Variants in DLGAP2 observed in about 807,000 individuals in gnomAD.
DLGAP2 encodes DLG associated protein 2.
In DLGAP2, 26 loss-of-function variants were observed where a neutral mutation model predicts 100.3. The ratio of observed to expected loss-of-function variants is 0.26; its 90% CI spans 0.19 to 0.36. DLGAP2 has a LOEUF of 0.36. DLGAP2 is among the 10% of genes least tolerant of loss of function. The probability of loss-of-function intolerance (pLI) is 1.00; values close to 1 mark genes in which losing one functional copy is unlikely to be tolerated. For synonymous variants in DLGAP2, 886 were observed against 630.1 expected (o/e 1.41, Z -6.08); for missense variants, 1,858 against 1,453.2 (o/e 1.28, Z -4.53).
At chr8:1,510,539 A>G (rs747826545) in intron 4 of DLGAP2, among the ~76,000 whole-genome samples, 1 of 152,218 alleles carries the variant, frequency 6.6e-6, no homozygotes. Flanking sequence ...AAGGAAAGGA[A>G]CTGCCTCCCA....
rs1055982090 is a variant in DLGAP2 at position 1,033,142 on chromosome 8, G to A, written c.73+125176G>A. Among the ~76,000 whole-genome samples the A allele has an allele frequency of 9.9e-5, 15 of 152,078 alleles. No homozygotes were observed. The South Asian group carries it at 1.9e-3, about 19-fold the overall frequency. On this transcript the variant is annotated intron_variant, in intron 2 of 14. Transcript: ENST00000637795. ...CTCCCCCCATCCCTCTCTGTCTCAG[G>A]CACTGACCTTCCTCTGCACAGACAG...
chr8:1,275,361 G>GAA (rs113417814), intron 3 of DLGAP2, among the ~76,000 whole-genome samples: 128 of 140,202 alleles, frequency 9.1e-4, no homozygotes, highest in African/African-American at 2.7e-3. Flanking sequence ...ATTTGGAATG[G>GAA]AAAAAAAAAA....
intron 2 of DLGAP2, among the ~76,000 whole-genome samples, chr8:922,149 T>C (rs2129001641): frequency 6.6e-6 from 1 of 152,280 alleles, no homozygotes; most frequent in South Asian, 2.1e-4. Flanking sequence ...GGCGCCGAGT[T>C]TTTGGTGTTT....
chr8:1,142,298 A>T (rs1054013259), intron 2 of DLGAP2, among the ~76,000 whole-genome samples: 2 of 152,208 alleles, frequency 1.3e-5, no homozygotes, highest in Non-Finnish European at 2.9e-5. Context: ...TGAAGAAAAA[A>T]AGTACGACAC....
chr8:963,239 C>G (rs905302189), intron 2 of DLGAP2, among the ~76,000 whole-genome samples: 4 of 150,072 alleles, frequency 2.7e-5, no homozygotes, highest in African/African-American at 7.6e-5. Context: ...CGCCACCCCA[C>G]GACCCCATTT....
At chr8:747,493 A>G (rs1244635259) in intron 1 of DLGAP2, among the ~76,000 whole-genome samples, 2 of 121,944 alleles carry the variant, frequency 1.6e-5, no homozygotes, top group African/African-American at 6.5e-5. Context: ...GTTCCAGCCG[A>G]GGGGAACGCG....
intron 3 of DLGAP2, among the ~76,000 whole-genome samples, chr8:1,443,831 G>T (rs1797908087): frequency 6.6e-6 from 1 of 152,074 alleles, no homozygotes; most frequent in African/African-American, 2.4e-5. Flanking sequence ...ATGAGATTTG[G>T]GCAGGGACAC....
chr8:848,402 G>T, intron 1 of DLGAP2, among the ~76,000 whole-genome samples: 1 of 111,622 alleles, frequency 9.0e-6, no homozygotes, highest in Admixed American at 8.7e-5. Flanking sequence ...TCCAGTGTAG[G>T]GTCGTGCGGT....
At chr8:1,498,194 T>C (rs1305008899) in intron 3 of DLGAP2, among the ~76,000 whole-genome samples, 1 of 152,010 alleles carries the variant, frequency 6.6e-6, no homozygotes, top group Non-Finnish European at 1.5e-5. Flanking sequence ...AGATAAGGGG[T>C]TGTGGAGATG....
chr8:1,075,742 G>T (rs940008129), intron 2 of DLGAP2, among the ~76,000 whole-genome samples: 9 of 151,992 alleles, frequency 5.9e-5, no homozygotes, highest in African/African-American at 2.2e-4. Flanking sequence ...TGTATGTCAG[G>T]GCTGAGTGAT....
At chr8:1,293,122 T>A (rs1186769440) in intron 3 of DLGAP2, among the ~76,000 whole-genome samples, 1 of 152,166 alleles carries the variant, frequency 6.6e-6, no homozygotes, top group African/African-American at 2.4e-5. Flanking sequence ...GCATTTTCAA[T>A]CCTTGTGTGT....
At chr8:1,417,627 G>C in intron 3 of DLGAP2, among the ~76,000 whole-genome samples, 1 of 150,852 alleles carries the variant, frequency 6.6e-6, no homozygotes, top group East Asian at 2.0e-4. Flanking sequence ...CTGCGTGGCC[G>C]CCTCCAGGGG....
chr8:1,477,627 C>T (rs573589027), intron 3 of DLGAP2, among the ~76,000 whole-genome samples: 1 of 152,310 alleles, frequency 6.6e-6, no homozygotes, highest in East Asian at 1.9e-4. Context: ...CCATGATAAA[C>T]AGCCTCCTTC....
chr8:836,925 C>G (rs542615526), intron 1 of DLGAP2, among the ~76,000 whole-genome samples: 1 of 152,252 alleles, frequency 6.6e-6, no homozygotes, highest in African/African-American at 2.4e-5. Flanking sequence ...CATGCACACA[C>G]CTGCTGCTGT....
At chr8:989,393 C>G (rs1020533654) in intron 2 of DLGAP2, among the ~76,000 whole-genome samples, 1 of 152,196 alleles carries the variant, frequency 6.6e-6, no homozygotes, top group African/African-American at 2.4e-5. Flanking sequence ...ACGTCCAAAC[C>G]TTGCTTGCAC....
At chr8:1,464,505 CGGCACCCTTCCAGGAA>C (rs1798564033) in intron 3 of DLGAP2, among the ~76,000 whole-genome samples, 2 of 147,060 alleles carry the variant, frequency 1.4e-5, no homozygotes, top group African/African-American at 5.0e-5. Flanking sequence ...CCTTCCAGGA[CGGCACCCTTCCAGGAA>C]AGCACCCTTC....
intron 3 of DLGAP2, among the ~76,000 whole-genome samples, chr8:1,391,932 C>T (rs1057164639): frequency 6.6e-6 from 1 of 152,042 alleles, no homozygotes; most frequent in Non-Finnish European, 1.5e-5. Flanking sequence ...GAGGAGCCGT[C>T]GGTGTCTGTG....
intron 3 of DLGAP2, among the ~76,000 whole-genome samples, chr8:1,265,717 A>G (rs1010390698): frequency 1.3e-5 from 2 of 152,244 alleles, no homozygotes; most frequent in Non-Finnish European, 2.9e-5. Flanking sequence ...AGACAAGTGT[A>G]CTTGATTTTC....
chr8:1,212,584 G>A (rs143100079), intron 2 of DLGAP2, among the ~76,000 whole-genome samples: 1 of 152,158 alleles, frequency 6.6e-6, no homozygotes, highest in African/African-American at 2.4e-5. Flanking sequence ...ACAAACTGCA[G>A]TCTAGAATGA....
Sources: gnomAD v4.1 joint callset for allele counts (sites outside exome capture counted in the v4.1 genomes callset) on GRCh38, gnomAD v4.1.1 for gene constraint, MANE v1.5 for transcripts, NCBI Gene and HGNC (gene_info 2026-07-23, HGNC 2026-07-21) for gene names.